Variants in CFAP61 observed in about 807,000 individuals in gnomAD.
CFAP61 encodes the protein cilia- and flagella-associated protein 61.
Under a neutral mutation model 135.6 loss-of-function variants are expected in CFAP61, and 107 were observed. The observed-to-expected ratio is 0.79, with a 90% confidence interval of 0.67 to 0.93. The LOEUF is 0.93. CFAP61 is among the 40% of genes least tolerant of loss of function. CFAP61 has a pLI of 0.00. For synonymous variants in CFAP61, 575 were observed against 578.5 expected (o/e 0.99, Z 0.09); for missense variants, 1,507 against 1,556.2 (o/e 0.97, Z 0.53).
At chr20:20,065,158 A>C (rs1384721526) in intron 2 of CFAP61, among the ~76,000 whole-genome samples, 1 of 152,246 alleles carries the variant, frequency 6.6e-6, no homozygotes, top group Non-Finnish European at 1.5e-5. Flanking sequence ...ACTTGTAAAA[A>C]TTAATTCTGG....
Position 20,095,909 on chromosome 20 carries a change from T to G in CFAP61, c.700-2746T>G, listed in dbSNP as rs564668781. The stretch of plus-strand genomic sequence containing the variant: ...AGCATAAATGAGAAAATACACACGT[T>G]TCTGTAAATGGACCTGTTTGGGAAG... On this transcript the variant is annotated intron_variant, in intron 7 of 26. Transcript: ENST00000245957. 3.3e-4 allele frequency among the ~76,000 whole-genome samples: 50 copies of G among 152,296 alleles called. 1 individual carries two copies. The highest frequency in any genetic ancestry group is 4.4e-4 in the Non-Finnish European group (30 of 68,012).
At chr20:20,246,346 C>G in intron 19 of CFAP61, 131 bp downstream of exon 19, 1 of 704,162 alleles carries the variant, frequency 1.4e-6, no homozygotes, top group Non-Finnish European at 2.5e-6. Flanking sequence ...GGAGTTCAGA[C>G]ATCACTTAGG....
At chr20:20,106,050 A>ATATATATATATATATAT (rs1568916492) in intron 8 of CFAP61, among the ~76,000 whole-genome samples, 5 of 110,726 alleles carry the variant, frequency 4.5e-5, no homozygotes, top group Non-Finnish European at 6.7e-5. Flanking sequence ...ATATATATAT[A>ATATATATATATATATAT]AAATTTGATT....
At chr20:20,063,523 CAA>C (rs1417387655) in intron 2 of CFAP61, among the ~76,000 whole-genome samples, 2 of 152,060 alleles carry the variant, frequency 1.3e-5, no homozygotes, top group African/African-American at 4.8e-5. Flanking sequence ...TAAACAGAGA[CAA>C]AATCATTCGA....
At chr20:20,201,216 A>T (rs2056603144) in intron 17 of CFAP61, among the ~76,000 whole-genome samples, 1 of 152,216 alleles carries the variant, frequency 6.6e-6, no homozygotes. Context: ...AAAGCTTCTG[A>T]ATGCTTCTCT....
intron 25 of CFAP61, among the ~76,000 whole-genome samples, chr20:20,301,207 T>A (rs1385093792): frequency 6.6e-6 from 1 of 152,190 alleles, no homozygotes; most frequent in Non-Finnish European, 1.5e-5. Flanking sequence ...AGGTATACCC[T>A]TTTTAAATCT....
chr20:20,129,982 T>C (rs2050384658), intron 8 of CFAP61, among the ~76,000 whole-genome samples: 2 of 151,890 alleles, frequency 1.3e-5, no homozygotes, highest in East Asian at 3.9e-4. Flanking sequence ...AATTGCTCTT[T>C]TGTGTTATCT....
At chr20:20,287,123 T>G (rs1227669955) in intron 22 of CFAP61, among the ~76,000 whole-genome samples, 1 of 150,790 alleles carries the variant, frequency 6.6e-6, no homozygotes, top group African/African-American at 2.4e-5. Flanking sequence ...GACAGAAAGA[T>G]TCAGAATCAG....
intron 19 of CFAP61, 83 bp from the exon 20 acceptor site, chr20:20,251,512 G>C (rs1298784570): frequency 1.3e-5 from 17 of 1,350,036 alleles, no homozygotes; most frequent in Non-Finnish European, 1.8e-5. Flanking sequence ...CCCACTAGGG[G>C]ACTTGAACCA....
intron 8 of CFAP61, among the ~76,000 whole-genome samples, chr20:20,119,149 G>A (rs1251707549): frequency 6.6e-6 from 1 of 152,128 alleles, no homozygotes; most frequent in African/African-American, 2.4e-5. Context: ...GAGTTTAGAA[G>A]TATTCCCTCC....
At chr20:20,296,970 CA>C (rs1017198728) in intron 24 of CFAP61, among the ~76,000 whole-genome samples, 6 of 152,182 alleles carry the variant, frequency 3.9e-5, no homozygotes, top group African/African-American at 1.4e-4. Context: ...TTTCTATAAA[CA>C]AAGGACCATT....
chr20:20,309,581 T>C (rs577437985), intron 25 of CFAP61, among the ~76,000 whole-genome samples: 8 of 152,346 alleles, frequency 5.3e-5, no homozygotes, highest in African/African-American at 1.9e-4. Context: ...CAGAGTTTCC[T>C]GACTTTCTGT....
chr20:20,230,473 C>T (rs2049047612), intron 18 of CFAP61, among the ~76,000 whole-genome samples: 1 of 152,210 alleles, frequency 6.6e-6, no homozygotes, highest in African/African-American at 2.4e-5. Context: ...TTTCACCCAA[C>T]ACTGACCACC....
chr20:20,123,676 A>G (rs960382334), intron 8 of CFAP61, among the ~76,000 whole-genome samples: 2 of 151,204 alleles, frequency 1.3e-5, no homozygotes, highest in Admixed American at 1.3e-4. Flanking sequence ...ATGCCTCCAG[A>G]CTTGTTCTTT....
chr20:20,235,524 C>T (rs1601550546), intron 18 of CFAP61, among the ~76,000 whole-genome samples: 1 of 152,180 alleles, frequency 6.6e-6, no homozygotes, highest in East Asian at 1.9e-4. Context: ...CTGCACCATC[C>T]TCCCATCCCC....
chr20:20,272,130 G>C (rs1228958440), intron 21 of CFAP61, among the ~76,000 whole-genome samples: 1 of 152,156 alleles, frequency 6.6e-6, no homozygotes, highest in African/African-American at 2.4e-5. Context: ...ATTAACTGAA[G>C]TTTTCCGGCT....
chr20:20,277,377 G>T lies in CFAP61; in HGVS notation c.2715G>T (p.Gln905His). The T allele has an allele frequency of 6.2e-7, 1 of 1,614,176 alleles. No individual in the cohort carries two copies. Among genetic ancestry groups the T allele is most frequent in the Admixed American group, 1.7e-5 (1 of 60,022 alleles). Residue 905 changes from glutamine to histidine, a missense_variant, in exon 22 of 27, where the codon CAG (glutamine) becomes CAT (histidine). By Grantham distance (24) the Gln-to-His change is conservative (BLOSUM62 0). Coordinates refer to ENST00000245957, the MANE Select transcript of CFAP61 (RefSeq NM_015585.4). ...TGTACCGGGATGCGATCCTGGCCCAGTGGAATGACGGCCTGCACCCAGACC... is the reference window on the plus strand; with the variant it reads ...TGTACCGGGATGCGATCCTGGCCCATTGGAATGACGGCCTGCACCCAGACC... ...VTMYRDAILA[Q>H]WNDGLHPDPI...
intron 17 of CFAP61, among the ~76,000 whole-genome samples, chr20:20,203,376 T>C (rs929064699): frequency 2.0e-5 from 3 of 152,206 alleles, no homozygotes; most frequent in Admixed American, 6.5e-5. Context: ...GGCCTGTGCT[T>C]TTACATTAGG....
chr20:20,169,376 T>A lies in CFAP61; in HGVS notation c.1301T>A (p.Ile434Asn). Reference sequence around the variant, plus strand: ...CATCTCACCCCCGAGTTCTTCCTCATCCAGAACTTCGTGAAAATGGTCCCT... The same window carrying A: ...CATCTCACCCCCGAGTTCTTCCTCAACCAGAACTTCGTGAAAATGGTCCCT... ...LPHLTPEFFL[I>N]QNFVKMVPFN... Residue 434 changes from isoleucine to asparagine, a missense_variant, in exon 13 of 27, where the codon ATC (isoleucine) becomes AAC (asparagine). Physicochemically the swap from Ile to Asn is moderately radical, Grantham distance 149 (BLOSUM62 -3). Coordinates refer to ENST00000245957, the MANE Select transcript of CFAP61 (RefSeq NM_015585.4). 6.2e-7 allele frequency: 1 copy of A among 1,613,986 alleles called. No individual in the cohort carries two copies. Among genetic ancestry groups the A allele is most frequent in the Non-Finnish European group, 8.5e-7 (1 of 1,179,932 alleles).
Sources: allele counts gnomAD v4.1 joint callset (sites outside exome capture counted in the v4.1 genomes callset), GRCh38; gene constraint gnomAD v4.1.1; transcripts MANE v1.5; gene names NCBI Gene and HGNC (gene_info 2026-07-23, HGNC 2026-07-21).